ALPK3: variants seen among roughly 807,000 people sequenced by gnomAD.
The protein encoded by ALPK3 is alpha kinase 3, also known as alpha-protein kinase 3.
A neutral mutation model predicts 140.0 loss-of-function variants in ALPK3; 102 were observed. The observed-to-expected ratio is 0.73, with a 90% CI of 0.62 to 0.86. The LOEUF (loss-of-function observed/expected upper bound fraction) is 0.86, where lower values mean the gene tolerates loss of function less well. Ranked by LOEUF, ALPK3 falls within the 40% of genes least tolerant of loss-of-function variation. The pLI is 0.00. For missense variants in ALPK3, 2,254 were observed against 2,208.2 expected (o/e 1.02, Z -0.42); for synonymous variants, 938 against 898.5 (o/e 1.04, Z -0.79).
At chr15:84,845,456 T>C (rs1035299608) in intron 5 of ALPK3, among the ~76,000 whole-genome samples, 4 of 151,204 alleles carry the variant, frequency 2.6e-5, no homozygotes, top group African/African-American at 9.7e-5. Context: ...CAGAGAGGGG[T>C]AAAGGAAGCT....
chr15:84,829,265 A>G (rs1963520360), intron 3 of ALPK3, among the ~76,000 whole-genome samples: 1 of 152,204 alleles, frequency 6.6e-6, no homozygotes, highest in African/African-American at 2.4e-5. Flanking sequence ...GCTCTTTTAT[A>G]CCATCATTTT....
At chr15:84,817,623 G>A in intron 1 of ALPK3, 28 bp downstream of exon 1, 1 of 1,475,334 alleles carries the variant, frequency 6.8e-7, no homozygotes, top group South Asian at 1.3e-5. Flanking sequence ...GCAGGGCGGC[G>A]TCGGGCCGGC....
chr15:84,855,554 A>G (rs1467536323), intron 5 of ALPK3, among the ~76,000 whole-genome samples: 1 of 152,228 alleles, frequency 6.6e-6, no homozygotes, highest in African/African-American at 2.4e-5. Flanking sequence ...TTTGACAGGA[A>G]GTCCTTTAAA....
chr15:84,839,953 G>C lies in ALPK3; in HGVS notation c.674G>C (p.Arg225Pro), dbSNP rs761722907. The C allele has an allele frequency of 1.9e-6, 3 of 1,613,494 alleles. No individual in the cohort carries two copies. The highest frequency in any genetic ancestry group is 2.5e-6 in the Non-Finnish European group (3 of 1,179,698). ...KLSPDRFQRK[R>P]RLSGAQAPGP... ...AGCCCCGACCGCTTCCAGCGAAAGC[G>C]GCGATTGAGCGGGGCTCAAGCGCCG... The change falls in exon 5 of 14, where the codon CGG (arginine) becomes CCG (proline). Residue 225 changes from arginine (R) to proline (P), a missense_variant. This residue lies in a region of ALPK3 where 2,088 missense variants were observed against 2,022.9 expected (regional missense o/e 1.03). Coordinates refer to ENST00000258888, the MANE Select transcript of ALPK3 (RefSeq NM_020778.5).
In ALPK3 at chr15:84,840,856, C is replaced by T. The variant is rs750054593; in HGVS notation, c.1577C>T (p.Thr526Met). The change falls in exon 5 of 14, where the codon ACG becomes ATG. Residue 526 changes from threonine to methionine, a missense_variant. Thr to Met is a moderately conservative substitution (Grantham distance 81). This residue lies in a region of ALPK3 where 2,088 missense variants were observed against 2,022.9 expected (regional missense o/e 1.03). Coordinates refer to ENST00000258888, the MANE Select transcript of ALPK3 (RefSeq NM_020778.5). ...CCTCAGGCCTCTGTGCAGGTGCCGACGCCCCCTGCCCGGCGGAGACATGGC... is the reference window on the plus strand; with the variant it reads ...CCTCAGGCCTCTGTGCAGGTGCCGATGCCCCCTGCCCGGCGGAGACATGGC... Reference protein sequence around the residue: ...APPQASVQVPTPPARRRHGTR... With the variant: ...APPQASVQVPMPPARRRHGTR... 1.1e-5 allele frequency: 18 copies of T among 1,613,914 alleles called. No individual in the cohort carries two copies. Among genetic ancestry groups the T allele is most frequent in the Non-Finnish European group, 1.3e-5 (15 of 1,179,970 alleles).
rs1205488954 is a variant in ALPK3 at position 84,858,159 on chromosome 15, G to A, written c.3421G>A (p.Glu1141Lys). 3.7e-6 allele frequency: 6 copies of A among 1,609,148 alleles called. No individual in the cohort carries two copies. Among genetic ancestry groups the A allele is most frequent in the East Asian group, 2.2e-5 (1 of 44,826 alleles). The change falls in exon 6 of 14, where the codon GAG (glutamate) becomes AAG (lysine). Residue 1141 changes from glutamate to lysine, a missense_variant. Physicochemically the swap from Glu to Lys is moderately conservative, Grantham distance 56. Coordinates refer to ENST00000258888, the MANE Select transcript of ALPK3 (RefSeq NM_020778.5). The stretch of plus-strand genomic sequence containing the variant: ...CATAGCCCAGGAGCCCTCCCAAGAG[G>A]AGAAGTTCCCAGGGGAGGCTCTGAC... ...ESIAQEPSQE[E>K]KFPGEALTGL... is the part of the protein sequence containing the mutation.
At chr15:84,833,957 T>TTGTG (rs71453270) in intron 3 of ALPK3, among the ~76,000 whole-genome samples, 3,222 of 147,202 alleles carry the variant, frequency 0.022, 68 homozygotes, top group African/African-American at 0.051. Flanking sequence ...AGATTCTGTG[T>TTGTG]TGTGTGTGTG....
intron 3 of ALPK3, among the ~76,000 whole-genome samples, chr15:84,833,958 T>TGTGTGTGG (rs1963572521): frequency 8.2e-5 from 1 of 12,254 alleles, no homozygotes; most frequent in African/African-American, 3.5e-4. Flanking sequence ...GATTCTGTGT[T>TGTGTGTGG]GTGTGTGTGT....
chr15:84,859,612 C>G (rs898412257), intron 7 of ALPK3, among the ~76,000 whole-genome samples, 164 bp from the exon 8 acceptor site: 1 of 152,232 alleles, frequency 6.6e-6, no homozygotes, highest in East Asian at 1.9e-4. Context: ...GCAAACCAGA[C>G]CTGTGGGCTT....
chr15:84,824,889 T>A (rs1221804918), intron 2 of ALPK3, among the ~76,000 whole-genome samples: 2 of 152,094 alleles, frequency 1.3e-5, no homozygotes, highest in Non-Finnish European at 2.9e-5. Flanking sequence ...CATCCCACAT[T>A]CGAATGGTTT....
rs1448505399 is a variant in ALPK3, at chr15:84,856,331, A to G, written c.1654-61A>G. The stretch of plus-strand genomic sequence containing the variant: ...AGGTCCGAGGAGACTGGGATGCCAG[A>G]CTGGAAAGAGATCTGAATGTCCATG... On this transcript the variant is annotated intron_variant, in intron 5 of 13. Coordinates refer to ENST00000258888, the MANE Select transcript of ALPK3 (RefSeq NM_020778.5). The G allele has an allele frequency of 4.6e-6, 7 of 1,532,400 alleles. No homozygotes were observed. In the African/African-American group the frequency reaches 8.3e-5, roughly 18 times the overall value. The allele number at this position is 1,532,400 out of a possible 1,614,324, so 94.9% of individuals were successfully genotyped here.
At chr15:84,817,890 C>G (rs989365976) in intron 1 of ALPK3, among the ~76,000 whole-genome samples, 2 of 152,178 alleles carry the variant, frequency 1.3e-5, no homozygotes, top group African/African-American at 2.4e-5. Context: ...TCCCCTGCCC[C>G]CTACCCTGCT....
In ALPK3 at chr15:84,863,569, C is replaced by T. The variant is rs746538730; in HGVS notation, c.4428C>T (p.Asn1476=). Residue 1476 remains asparagine (N), a synonymous_variant, in exon 11 of 14, where the codon AAC becomes AAT. Coordinates refer to ENST00000258888, the MANE Select transcript of ALPK3 (RefSeq NM_020778.5). ...ATCCACAGGGGTGCAAGATCCAGAA[C>T]ATGAGTCGGGAGTACTGCAAAATCT... The part of the protein sequence containing the change: ...DVTIQGCKIQ[N]MSREYCKIFA... 5.0e-6 allele frequency: 8 copies of T among 1,613,964 alleles called. No individual in the cohort carries two copies. Among genetic ancestry groups the T allele is most frequent in the African/African-American group, 1.3e-5 (1 of 74,924 alleles).
Position 84,840,740 on chromosome 15 carries a change from G to T in ALPK3, c.1461G>T (p.Lys487Asn), listed in dbSNP as rs932897432. ...PFNRKRFAPPKPKGEATTDSK... is the reference protein window; with the variant it reads ...PFNRKRFAPPNPKGEATTDSK... The stretch of plus-strand genomic sequence containing the variant: ...ACAGAAAGAGATTTGCCCCTCCAAA[G>T]CCCAAAGGAGAGGCCACCACTGACA... Residue 487 changes from lysine (K) to asparagine (N), a missense_variant, in exon 5 of 14, where the codon AAG becomes AAT. This residue lies in a region of ALPK3 where 2,088 missense variants were observed against 2,022.9 expected (regional missense o/e 1.03). Coordinates refer to ENST00000258888, the MANE Select transcript of ALPK3 (RefSeq NM_020778.5). 6.2e-7 allele frequency: 1 copy of T among 1,614,150 alleles called. No individual in the cohort carries two copies. Among genetic ancestry groups the T allele is most frequent in the Non-Finnish European group, 8.5e-7 (1 of 1,180,020 alleles).
chr15:84,826,726 G>A (rs944388417), intron 2 of ALPK3, among the ~76,000 whole-genome samples: 30 of 152,122 alleles, frequency 2.0e-4, no homozygotes, highest in African/African-American at 6.3e-4. Context: ...GGGTGGATCC[G>A]TTTGTGGTTT....
intron 1 of ALPK3, among the ~76,000 whole-genome samples, chr15:84,819,365 C>T (rs1963398201): frequency 6.6e-6 from 1 of 152,214 alleles, no homozygotes; most frequent in South Asian, 2.1e-4. Flanking sequence ...TGTTTTGCCC[C>T]TGCAGAGTTT....
chr15:84,834,847 C>T (rs905793584), intron 3 of ALPK3, among the ~76,000 whole-genome samples: 2 of 152,264 alleles, frequency 1.3e-5, no homozygotes, highest in African/African-American at 4.8e-5. Flanking sequence ...GAGTGAAGGA[C>T]CCGGAGCCCT....
rs267604354 is a variant in ALPK3, at chr15:84,859,267, G to C, written c.3842G>C (p.Arg1281Pro). The change falls in exon 7 of 14, where the codon CGG (arginine) becomes CCG (proline). Residue 1281 changes from arginine to proline, a missense_variant. Arg to Pro is a moderately radical substitution (Grantham distance 103). Coordinates refer to ENST00000258888, the MANE Select transcript of ALPK3 (RefSeq NM_020778.5). ...GCCCCACAGGTGATCCGGAAGATTC[G>C]GGTGGAGCAGTTTCCTGATGCCTCC... Reference protein sequence around the residue: ...LKAPQVIRKIRVEQFPDASGS... With the variant: ...LKAPQVIRKIPVEQFPDASGS... 6.2e-7 allele frequency: 1 copy of C among 1,614,028 alleles called. No homozygotes were observed. Among genetic ancestry groups the C allele is most frequent in the Non-Finnish European group, 8.5e-7 (1 of 1,180,008 alleles).
At position 84,827,552 on chromosome 15, in the gene ALPK3, AGTCCCGGTCTGT is replaced by A. The variant is rs1159241529; in HGVS notation, c.256_267del (p.Arg86_Ser89del). The A allele has an allele frequency of 6.2e-7, 1 of 1,614,232 alleles. No homozygotes were observed. Among genetic ancestry groups the A allele is most frequent in the East Asian group, 2.2e-5 (1 of 44,890 alleles). ...CAGCCGCTATTTGAGACCACGCTCA[AGTCCCGGTCTGT>A]GTCCGAGGACAGCGACGTCAGGTTC... On this transcript the variant is annotated inframe_deletion, in exon 3 of 14. Coordinates refer to ENST00000258888, the MANE Select transcript of ALPK3 (RefSeq NM_020778.5).
Sources: gnomAD v4.1 joint callset for allele counts (sites outside exome capture counted in the v4.1 genomes callset) on GRCh38, gnomAD v4.1.1 for gene constraint, gnomAD v4.1.1 regional missense constraint, MANE v1.5 for transcripts, NCBI Gene and HGNC (gene_info 2026-07-23, HGNC 2026-07-21) for gene names.